Variants in TMPRSS4 observed in about 807,000 individuals in gnomAD.
The protein encoded by TMPRSS4 is transmembrane serine protease 4, also known as transmembrane protease serine 4.
In TMPRSS4, 45 loss-of-function variants were observed where a neutral mutation model predicts 56.4. The observed-to-expected ratio is 0.80, with a 90% CI of 0.63 to 1.02. The LOEUF (loss-of-function observed/expected upper bound fraction) is 1.02, where lower values mean the gene tolerates loss of function less well. Ranked by LOEUF, TMPRSS4 falls within the 50% of genes least tolerant of loss-of-function variation. The pLI, the probability that TMPRSS4 is intolerant of heterozygous loss-of-function variation, is 0.00. For synonymous variants in TMPRSS4, 205 were observed against 211.0 expected (o/e 0.97, Z 0.25); for missense variants, 546 against 556.7 (o/e 0.98, Z 0.19).
At chr11:118,103,074 C>T (rs1166665161) in intron 3 of TMPRSS4, 27 bp from the exon 4 acceptor site, 1 of 1,612,768 alleles carries the variant, frequency 6.2e-7, no homozygotes, top group Admixed American at 1.7e-5. Flanking sequence ...TCAGCCCTCT[C>T]TGCCTCTCCC....
chr11:118,091,429 C>T (rs932282017), intron 1 of TMPRSS4, among the ~76,000 whole-genome samples: 2 of 152,130 alleles, frequency 1.3e-5, no homozygotes, highest in Non-Finnish European at 2.9e-5. Flanking sequence ...GCGCTGTCTC[C>T]TCTCACCCTG....
chr11:118,117,364 T>C lies in TMPRSS4; in HGVS notation c.1212T>C (p.Val404=). ...ACCAGTGGCATGTGGTGGGCATCGT[T>C]AGTTGGGGCTATGGCTGCGGGGGCC... The part of the protein sequence containing the change: ...QSDQWHVVGI[V]SWGYGCGGPS... Residue 404 remains valine (V), a synonymous_variant, in exon 12 of 13, where the codon GTT becomes GTC. Coordinates refer to ENST00000437212, the MANE Select transcript of TMPRSS4 (RefSeq NM_019894.4). The C allele has an allele frequency of 2.5e-6, 4 of 1,614,128 alleles. No individual in the cohort carries two copies. The highest frequency in any genetic ancestry group is 1.7e-6 in the Non-Finnish European group (2 of 1,180,000).
chr11:118,098,665 C>T (rs1397495359), intron 2 of TMPRSS4, among the ~76,000 whole-genome samples: 1 of 152,188 alleles, frequency 6.6e-6, no homozygotes, highest in Non-Finnish European at 1.5e-5. Flanking sequence ...AGGCCTCTCT[C>T]GGGCAGGCGA....
chr11:118,080,214 C>T (rs1424680612), intron 1 of TMPRSS4, among the ~76,000 whole-genome samples: 3 of 152,098 alleles, frequency 2.0e-5, no homozygotes, highest in Admixed American at 6.5e-5. Context: ...CTAGGGAAGT[C>T]GGGAAATTGT....
At chr11:118,102,945 C>A in intron 3 of TMPRSS4, 156 bp from the exon 4 acceptor site, 1 of 912,200 alleles carries the variant, frequency 1.1e-6, no homozygotes, top group Non-Finnish European at 1.7e-6. Flanking sequence ...AGCTGAGGCT[C>A]AGGCCCAAGT....
intron 11 of TMPRSS4, 174 bp downstream of exon 11, chr11:118,115,454 C>G: frequency 2.8e-6 from 2 of 714,864 alleles, no homozygotes; most frequent in East Asian, 5.5e-5. Context: ...TAAAAGTGTA[C>G]CAATAGATGA....
intron 1 of TMPRSS4, among the ~76,000 whole-genome samples, chr11:118,089,439 G>A (rs1254110070): frequency 6.6e-6 from 1 of 152,132 alleles, no homozygotes; most frequent in Non-Finnish European, 1.5e-5. Context: ...AGCATTGGGG[G>A]AACTAGAATC....
downstream of TMPRSS4, among the ~76,000 whole-genome samples, chr11:118,122,529 T>TA (rs1310226431): frequency 1.3e-5 from 2 of 151,940 alleles, no homozygotes; most frequent in African/African-American, 4.8e-5. Context: ...AATAGAAAAT[T>TA]AAAAAAATCA....
At chr11:118,094,782 C>T in intron 1 of TMPRSS4, 34 bp from the exon 2 acceptor site, 1 of 1,600,248 alleles carries the variant, frequency 6.2e-7, no homozygotes. Context: ...CTGAGAGGCT[C>T]CCTGCCTCAA....
In TMPRSS4 at chr11:118,111,773, G is replaced by C. The variant is rs1565437852; in HGVS notation, c.616G>C (p.Val206Leu). Residue 206 changes from valine to leucine, a missense_variant, in exon 8 of 13, where the codon GTG (valine) becomes CTG (leucine). Transcript: ENST00000437212. ...GAAGAGCCTGAAGACCCCCCGTGTG[G>C]TGGGTGTGGAGGAGGCCTCTGTGGA... ...CGKSLKTPRV[V>L]GVEEASVDSW... The C allele has an allele frequency of 3.1e-6, 5 of 1,599,522 alleles. No homozygotes were observed. Among genetic ancestry groups the C allele is most frequent in the Non-Finnish European group, 4.3e-6 (5 of 1,173,800 alleles).
rs976401999 is a variant in TMPRSS4, at chr11:118,099,453, A to AAGAG, written c.157+359_157+362dup. ...GAGAGAGAAAAAGAAAGAAGAGAGA[A>AAGAG]AGAGAGAAAGAAAGAAAGAAAGAAA... On this transcript the variant is annotated intron_variant, in intron 3 of 12. Transcript: ENST00000437212. 8.5e-4 allele frequency among the ~76,000 whole-genome samples: 33 copies of AAGAG among 38,904 alleles called. 1 individual carries two copies. In the South Asian group the frequency reaches 0.019, roughly 23 times the overall value. The allele number at this position is 38,904 out of a possible 152,430, so 25.5% of individuals were successfully genotyped here.
At chr11:118,116,155 T>C (rs755573652) in intron 11 of TMPRSS4, among the ~76,000 whole-genome samples, 7 of 152,350 alleles carry the variant, frequency 4.6e-5, no homozygotes, top group South Asian at 2.1e-4. Flanking sequence ...AGGGTCACTA[T>C]GTTGCCCAGT....
At chr11:118,090,847 C>CAA (rs1945900092) in intron 1 of TMPRSS4, among the ~76,000 whole-genome samples, 3 of 151,146 alleles carry the variant, frequency 2.0e-5, no homozygotes, top group African/African-American at 7.3e-5. Context: ...CACACACACA[C>CAA]AAAATTAGCC....
At chr11:118,099,746 CGA>C (rs1220161983) in intron 3 of TMPRSS4, among the ~76,000 whole-genome samples, 1 of 152,154 alleles carries the variant, frequency 6.6e-6, no homozygotes, top group East Asian at 1.9e-4. Flanking sequence ...AAGAACAGGG[CGA>C]GTTTCTGCTT....
chr11:118,124,692 TA>T, downstream of TMPRSS4, among the ~76,000 whole-genome samples: 1 of 152,316 alleles, frequency 6.6e-6, no homozygotes, highest in African/African-American at 2.4e-5. Flanking sequence ...AGGTGAATAG[TA>T]AAGAATGGAA....
At chr11:118,094,887 C>T (rs2276124) in intron 2 of TMPRSS4, 32 bp downstream of exon 2, 30,310 of 1,606,686 alleles carry the variant, frequency 0.019, 1,151 homozygotes, top group East Asian at 0.15. Flanking sequence ...ATTCGTCCAC[C>T]TTAGCCTCTG....
At chr11:118,096,846 GGAAAGAAAGAAAGA>G (rs1946326217) in intron 2 of TMPRSS4, among the ~76,000 whole-genome samples, 1 of 36,264 alleles carries the variant, frequency 2.8e-5, no homozygotes, top group Admixed American at 3.6e-4. Context: ...AAGGAAAGAA[GGAAAGAAAGAAAGA>G]AAGAAAGAAA....
rs539415852 is a variant in TMPRSS4, at chr11:118,112,036, A to G, written c.743+136A>G. The G allele has an allele frequency of 3.6e-4, 439 of 1,235,194 alleles. 1 individual carries two copies. The highest frequency in any genetic ancestry group is 4.4e-4 in the Non-Finnish European group (404 of 916,350). The allele number at this position is 1,235,194 out of a possible 1,614,324, so 76.5% of individuals were successfully genotyped here. A position where few individuals can be genotyped will look rare whatever the true frequency, so the allele number is the denominator to read the frequency against. On this transcript the variant is annotated intron_variant, in intron 8 of 12. Transcript: ENST00000437212. ...CGTTTTCCAGGTTGTGGTGGCCCCA[A>G]TGAGACAATGGCCATGATGCCCTTT...
intron 2 of TMPRSS4, among the ~76,000 whole-genome samples, chr11:118,096,913 G>T (rs774824913): frequency 3.4e-5 from 1 of 29,354 alleles, no homozygotes; most frequent in Admixed American, 3.4e-4. Flanking sequence ...GAAAGAAAGG[G>T]AGAGAGAAAG....
Sources: allele counts gnomAD v4.1 joint callset (sites outside exome capture counted in the v4.1 genomes callset), GRCh38; gene constraint gnomAD v4.1.1; transcripts MANE v1.5; gene names NCBI Gene and HGNC (gene_info 2026-07-23, HGNC 2026-07-21).